HAUS2: variants seen among roughly 807,000 people sequenced by gnomAD.
HAUS2 encodes HAUS augmin like complex subunit 2.
In HAUS2, 20 loss-of-function variants were observed where a neutral mutation model predicts 21.6. The observed-to-expected ratio is 0.93, with a 90% CI of 0.65 to 1.35. The LOEUF is 1.35. Ranked by LOEUF, HAUS2 falls within the 40% of genes most tolerant of loss-of-function variation. The pLI is 0.00. For missense variants in HAUS2, 297 were observed against 280.7 expected (o/e 1.06, Z -0.42); for synonymous variants, 113 against 95.6 (o/e 1.18, Z -1.06).
chr15:42,569,287 C>CTTTTCT lies in HAUS2; in HGVS notation c.*2474_*2479dup, dbSNP rs1469540313. On this transcript the variant is annotated 3_prime_UTR_variant, in exon 6 of 6. Coordinates refer to ENST00000260372, the MANE Select transcript of HAUS2 (RefSeq NM_018097.3). ...CATCAGTTTTGTTTTTTGTTTTGTT[C>CTTTTCT]TTTTCTTTCCTTTTTTTTTTTTTTT... 2 of 137,168 alleles carry CTTTTCT rather than the reference C, an allele frequency of 1.5e-5. No homozygotes were observed. Among genetic ancestry groups the CTTTTCT allele is most frequent in the African/African-American group, 2.7e-5 (1 of 36,974 alleles). 8.5% of individuals were successfully genotyped at this position (137,168 alleles called of 1,614,324 possible).
Position 42,566,682 on chromosome 15 carries a change from A to G in HAUS2, c.574A>G (p.Lys192Glu). 3 of 1,603,372 alleles carry G rather than the reference A, an allele frequency of 1.9e-6. No homozygotes were observed. The highest frequency in any genetic ancestry group is 2.6e-6 in the Non-Finnish European group (3 of 1,170,282). ...ELAENILKWRKQQNEVSSCIP... is the reference protein window; with the variant it reads ...ELAENILKWREQQNEVSSCIP... The stretch of plus-strand genomic sequence containing the variant: ...GGCAGAGAATATACTCAAGTGGCGT[A>G]AACAACAAAACGAAGTTTCGTCTTG... The change falls in exon 6 of 6, where the codon AAA (lysine) becomes GAA (glutamate). Residue 192 changes from lysine to glutamate, a missense_variant. Transcript: ENST00000260372.
intron 5 of HAUS2, among the ~76,000 whole-genome samples, chr15:42,565,695 A>C (rs921659215): frequency 1.3e-5 from 2 of 152,202 alleles, no homozygotes; most frequent in African/African-American, 4.8e-5. Context: ...TTAGAAGACT[A>C]GGCAGAGAAA....
At chr15:42,556,016 G>C (rs948018471) in intron 1 of HAUS2, among the ~76,000 whole-genome samples, 1 of 151,586 alleles carries the variant, frequency 6.6e-6, no homozygotes, top group Non-Finnish European at 1.5e-5. Context: ...GCGCGATCTC[G>C]GCTCACTGCA....
chr15:42,562,524 G>A (rs2057862394), intron 4 of HAUS2, among the ~76,000 whole-genome samples: 1 of 152,228 alleles, frequency 6.6e-6, no homozygotes, highest in Non-Finnish European at 1.5e-5. Context: ...GAACCCAGGA[G>A]GCAGAGGTTG....
intron 1 of HAUS2, among the ~76,000 whole-genome samples, chr15:42,550,302 A>G (rs1035510572): frequency 3.3e-5 from 5 of 149,816 alleles, no homozygotes; most frequent in Non-Finnish European, 5.9e-5. Flanking sequence ...AAAAAAAAAA[A>G]GCACTACAAA....
At chr15:42,553,236 C>T (rs776155568) in intron 1 of HAUS2, among the ~76,000 whole-genome samples, 3 of 152,030 alleles carry the variant, frequency 2.0e-5, no homozygotes, top group Admixed American at 6.6e-5. Context: ...CCACCTGCCT[C>T]GGCCTCCCAA....
At chr15:42,565,038 T>A (rs996382553) in intron 5 of HAUS2, among the ~76,000 whole-genome samples, 2 of 152,144 alleles carry the variant, frequency 1.3e-5, no homozygotes, top group African/African-American at 4.8e-5. Context: ...GGTTTTGCCA[T>A]GTTGGCCAGG....
Position 42,548,868 on chromosome 15 carries a change from G to A in HAUS2, c.-5G>A. The A allele has an allele frequency of 6.5e-7, 1 of 1,547,722 alleles. No individual in the cohort carries two copies. Among genetic ancestry groups the A allele is most frequent in the Admixed American group, 2.0e-5 (1 of 50,636 alleles). On this transcript the variant is annotated 5_prime_UTR_variant, in exon 1 of 6. Coordinates refer to ENST00000260372, the MANE Select transcript of HAUS2 (RefSeq NM_018097.3). ...TGGCGCCTTCGCGGAAGGTGCGTCC[G>A]AGCCATGGCCGCTGCCAACCCGTGG...
At position 42,568,075 on chromosome 15, in the gene HAUS2, TATG is replaced by T. The variant is rs1261579033; in HGVS notation, c.*1265_*1267del. On this transcript the variant is annotated 3_prime_UTR_variant, in exon 6 of 6. Coordinates refer to ENST00000260372, the MANE Select transcript of HAUS2 (RefSeq NM_018097.3). ...GGGTCTTCTTGAATCTGAAAATGTC[TATG>T]ATGATTATTCCTGTGGGAATGTCAC... 2.0e-5 allele frequency: 3 copies of T among 151,672 alleles called. No individual in the cohort carries two copies. Among genetic ancestry groups the T allele is most frequent in the Admixed American group, 1.3e-4 (2 of 15,248 alleles). 9.4% of individuals were successfully genotyped at this position (151,672 alleles called of 1,614,324 possible).
intron 4 of HAUS2, among the ~76,000 whole-genome samples, chr15:42,562,771 A>G (rs1478785750): frequency 1.3e-5 from 2 of 152,200 alleles, no homozygotes; most frequent in Non-Finnish European, 2.9e-5. Context: ...AGTTAAGTAC[A>G]TTTATCCTTA....
At chr15:42,560,215 A>G (rs554205917) in intron 3 of HAUS2, among the ~76,000 whole-genome samples, 21 of 152,288 alleles carry the variant, frequency 1.4e-4, no homozygotes, top group Non-Finnish European at 8.8e-5. Context: ...ATGTTTAAAT[A>G]TGGACTGTAT....
intron 5 of HAUS2, among the ~76,000 whole-genome samples, chr15:42,566,111 AG>A (rs1211301057): frequency 6.6e-6 from 1 of 152,134 alleles, no homozygotes; most frequent in African/African-American, 2.4e-5. Flanking sequence ...ATGAGGCAGA[AG>A]AATCGCTTGA....
intron 4 of HAUS2, chr15:42,561,702 A>G: frequency 3.7e-6 from 1 of 270,092 alleles, no homozygotes; most frequent in Non-Finnish European, 7.2e-6. Flanking sequence ...TCATTGTTGT[A>G]AAGTACATTC....
Position 42,563,740 on chromosome 15 carries a change from C to T in HAUS2, c.390-9C>T, listed in dbSNP as rs369281877. On this transcript the variant is annotated splice_polypyrimidine_tract_variant and intron_variant, in intron 4 of 5. Transcript: ENST00000260372. The stretch of plus-strand genomic sequence containing the variant: ...TAAAAAATGGTTGACTTTTTTCTTT[C>T]TCTTTCAGATATATGGTACATTTGC... 1 of 1,362,954 alleles carries T rather than the reference C, an allele frequency of 7.3e-7. No homozygotes were observed. The highest frequency in any genetic ancestry group is 1.7e-5 in the Admixed American group (1 of 58,010). The allele number at this position is 1,362,954 out of a possible 1,614,324, so 84.4% of individuals were successfully genotyped here. A position where few individuals can be genotyped will look rare whatever the true frequency, so the allele number is the denominator to read the frequency against.
At chr15:42,552,378 C>T (rs1334705088) in intron 1 of HAUS2, among the ~76,000 whole-genome samples, 1 of 152,180 alleles carries the variant, frequency 6.6e-6, no homozygotes, top group East Asian at 1.9e-4. Context: ...AATGATTTGT[C>T]ACGTCATCCC....
At chr15:42,556,045 C>A (rs2057769752) in intron 1 of HAUS2, among the ~76,000 whole-genome samples, 1 of 151,658 alleles carries the variant, frequency 6.6e-6, no homozygotes, top group Admixed American at 6.6e-5. Context: ...CTCCCAGGTT[C>A]AAGCAATTCT....
chr15:42,566,748 CATG>C lies in HAUS2; in HGVS notation c.643_645del (p.Asp215del), dbSNP rs1264610146. The C allele has an allele frequency of 6.4e-6, 10 of 1,555,382 alleles. No homozygotes were observed. The highest frequency in any genetic ancestry group is 1.1e-5 in the South Asian group (1 of 89,844). On this transcript the variant is annotated inframe_deletion, in exon 6 of 6. Coordinates refer to ENST00000260372, the MANE Select transcript of HAUS2 (RefSeq NM_018097.3). The stretch of plus-strand genomic sequence containing the variant: ...AGCTGAAGAAAGTTATCTTTATAAA[CATG>C]ATATTATAATGCCTCCTTTACCTTT...
chr15:42,549,765 C>CAAAAAAAAAAAAAAAAAA (rs58614126), intron 1 of HAUS2, among the ~76,000 whole-genome samples: 1 of 58,086 alleles, frequency 1.7e-5, no homozygotes, highest in African/African-American at 5.5e-5. Context: ...TCTTTAAAGG[C>CAAAAAAAAAAAAAAAAAA]AAAAAAAAAA....
intron 1 of HAUS2, among the ~76,000 whole-genome samples, chr15:42,551,975 C>G (rs1411128035): frequency 6.6e-6 from 1 of 152,060 alleles, no homozygotes; most frequent in Admixed American, 6.6e-5. Context: ...GTTGGTTTTA[C>G]TTTAAGCAAA....
Sources: allele counts gnomAD v4.1 joint callset (sites outside exome capture counted in the v4.1 genomes callset), GRCh38; gene constraint gnomAD v4.1.1; transcripts MANE v1.5; gene names NCBI Gene and HGNC (gene_info 2026-07-23, HGNC 2026-07-21).